Variants in SGCD observed in about 807,000 individuals in gnomAD.
SGCD encodes the protein delta-sarcoglycan.
Under a neutral mutation model 36.6 loss-of-function variants are expected in SGCD, and 18 were observed. That is an observed-to-expected ratio of 0.49 (90% CI 0.34 to 0.73). The LOEUF (loss-of-function observed/expected upper bound fraction) is 0.73. SGCD is among the 30% of genes least tolerant of loss of function. The probability of loss-of-function intolerance (pLI) is 0.01; values close to 1 mark genes in which losing one functional copy is unlikely to be tolerated. For synonymous variants in SGCD, 133 were observed against 130.6 expected (o/e 1.02, Z -0.12); for missense variants, 387 against 346.7 (o/e 1.12, Z -0.92).
chr5:156,298,576 C>CTTTTTTTTTT (rs924228753), intron 3 of SGCD, among the ~76,000 whole-genome samples: 1 of 110,520 alleles, frequency 9.0e-6, no homozygotes, highest in Non-Finnish European at 1.8e-5. Context: ...TTTTTCTTTT[C>CTTTTTTTTTT]TTTTTTTTTT....
intron 3 of SGCD, among the ~76,000 whole-genome samples, chr5:156,277,027 C>G (rs766512590): frequency 6.6e-6 from 1 of 152,054 alleles, no homozygotes; most frequent in Non-Finnish European, 1.5e-5. Context: ...TTATTATTTG[C>G]AGGAAATATT....
Position 156,556,954 on chromosome 5 carries a change from T to C in SGCD, c.295-32277T>C, listed in dbSNP as rs1221942948. Among the ~76,000 whole-genome samples, 4 of 152,334 alleles carry C rather than the reference T, an allele frequency of 2.6e-5. No homozygotes were observed. In the South Asian group the frequency reaches 6.2e-4, roughly 24 times the overall value. On this transcript the variant is annotated intron_variant, in intron 4 of 8. Transcript: ENST00000337851. ...GTTTGAAAGCAAATTTCACATGTTC[T>C]AGAGTTAAAAGGTCAGTGTGAGCTA...
At chr5:156,443,343 T>C (rs1753583727) in intron 3 of SGCD, among the ~76,000 whole-genome samples, 1 of 152,144 alleles carries the variant, frequency 6.6e-6, no homozygotes, top group Admixed American at 6.6e-5. Flanking sequence ...TTTCAAAAGA[T>C]AGTAACAATT....
At chr5:155,893,915 C>T (rs1033064136) in intron 1 of SGCD, among the ~76,000 whole-genome samples, 4 of 152,188 alleles carry the variant, frequency 2.6e-5, no homozygotes, top group Non-Finnish European at 4.4e-5. Flanking sequence ...TGTTACTGTA[C>T]TGAATACTTC....
intron 7 of SGCD, among the ~76,000 whole-genome samples, chr5:156,649,868 T>G (rs936044726): frequency 6.8e-6 from 1 of 146,376 alleles, no homozygotes; most frequent in Non-Finnish European, 1.5e-5. Context: ...TAATAATAAT[T>G]TTTTTTTTAA....
chr5:155,833,903 C>T, the SGCD span, among the ~76,000 whole-genome samples: 1 of 152,188 alleles, frequency 6.6e-6, no homozygotes, highest in African/African-American at 2.4e-5. Context: ...AAATGATTAA[C>T]AGATACAGTG....
intron 3 of SGCD, among the ~76,000 whole-genome samples, chr5:156,180,946 C>T (rs1338584327): frequency 1.3e-5 from 2 of 152,176 alleles, no homozygotes; most frequent in Non-Finnish European, 2.9e-5. Flanking sequence ...CTCTTCTCTG[C>T]TGTTTGTTCT....
intron 6 of SGCD, among the ~76,000 whole-genome samples, chr5:156,638,730 A>G (rs1462074690): frequency 1.3e-5 from 2 of 152,146 alleles, no homozygotes; most frequent in Non-Finnish European, 2.9e-5. Flanking sequence ...TTTTGGCTTA[A>G]TGATACACTG....
intron 3 of SGCD, among the ~76,000 whole-genome samples, chr5:156,130,296 A>G (rs1182764590): frequency 6.6e-6 from 1 of 152,092 alleles, no homozygotes; most frequent in Non-Finnish European, 1.5e-5. Context: ...CTTCTTTTGA[A>G]AAGTATTTAT....
intron 2 of SGCD, among the ~76,000 whole-genome samples, chr5:156,339,677 G>A (rs147335059): frequency 4.6e-5 from 7 of 152,238 alleles, no homozygotes; most frequent in African/African-American, 9.6e-5. Flanking sequence ...TTGTGCAATA[G>A]CATTATATCT....
chr5:156,684,075 A>G (rs1753818628), intron 7 of SGCD, among the ~76,000 whole-genome samples: 1 of 152,210 alleles, frequency 6.6e-6, no homozygotes, highest in Non-Finnish European at 1.5e-5. Flanking sequence ...TGTGGTACTA[A>G]GTACAGGGCC....
chr5:156,055,763 C>G (rs1047234311), intron 1 of SGCD, among the ~76,000 whole-genome samples: 3 of 146,070 alleles, frequency 2.1e-5, no homozygotes, highest in African/African-American at 4.9e-5. Context: ...AGGCATGCAT[C>G]TCTTCTAGCC....
chr5:156,501,875 A>G (rs1392689657), intron 3 of SGCD, among the ~76,000 whole-genome samples: 1 of 152,108 alleles, frequency 6.6e-6, no homozygotes, highest in African/African-American at 2.4e-5. Flanking sequence ...CAGGATCATC[A>G]CTGGACAGCG....
intron 3 of SGCD, among the ~76,000 whole-genome samples, chr5:156,462,417 A>C (rs75491463): frequency 0.019 from 2,954 of 152,320 alleles, 33 homozygotes; most frequent in Non-Finnish European, 0.032. Flanking sequence ...AACCAAAGAG[A>C]TATTTCTTAG....
intron 6 of SGCD, among the ~76,000 whole-genome samples, chr5:156,597,914 A>AC (rs1240622845): frequency 2.0e-5 from 3 of 152,280 alleles, no homozygotes; most frequent in Admixed American, 2.0e-4. Context: ...GGAAAGGTGA[A>AC]CCAAAGCATG....
intron 7 of SGCD, among the ~76,000 whole-genome samples, chr5:156,718,783 C>T (rs1200023050): frequency 9.0e-6 from 1 of 111,426 alleles, no homozygotes; most frequent in Non-Finnish European, 1.9e-5. Flanking sequence ...AGCCTGGCAA[C>T]AAAGTGAGAC....
chr5:156,751,389 T>A (rs1757144641), intron 7 of SGCD, among the ~76,000 whole-genome samples: 1 of 152,198 alleles, frequency 6.6e-6, no homozygotes, highest in Admixed American at 6.5e-5. Flanking sequence ...AAGAGCTTCA[T>A]GACCTCAGTG....
At chr5:156,528,278 G>T (rs533117706) in intron 4 of SGCD, among the ~76,000 whole-genome samples, 1 of 152,266 alleles carries the variant, frequency 6.6e-6, no homozygotes. Context: ...TATCTCATAA[G>T]ATTATTATGG....
chr5:156,119,351 G>A (rs1028056593), intron 2 of SGCD, among the ~76,000 whole-genome samples: 6 of 152,058 alleles, frequency 3.9e-5, no homozygotes, highest in South Asian at 4.2e-4. Flanking sequence ...TTTGAATCCC[G>A]ACTTGTCACT....
Sources: gnomAD v4.1 joint callset for allele counts (sites outside exome capture counted in the v4.1 genomes callset) on GRCh38, gnomAD v4.1.1 for gene constraint, MANE v1.5 for transcripts, NCBI Gene and HGNC (gene_info 2026-07-23, HGNC 2026-07-21) for gene names.